The following FAF1 variants were observed in gnomAD, a reference collection of about 807,000 sequenced individuals.
FAF1 encodes the protein FAS-associated factor 1.
FAF1 carries 25 observed loss-of-function variants against 92.5 expected under a neutral mutation model. The ratio of observed to expected loss-of-function variants is 0.27; its 90% CI spans 0.20 to 0.38. FAF1 has a LOEUF of 0.38. Ranked by LOEUF, FAF1 falls within the 10% of genes least tolerant of loss-of-function variation. The pLI is 1.00. For synonymous variants in FAF1, 234 were observed against 273.2 expected, an observed-to-expected ratio of 0.86 and a Z score of 1.42; for missense variants, 636 against 793.3, an observed-to-expected ratio of 0.80 and a Z score of 2.38.
intron 8 of FAF1, among the ~76,000 whole-genome samples, chr1:50,598,279 G>T (rs1020362797): frequency 6.6e-6 from 1 of 151,716 alleles, no homozygotes; most frequent in African/African-American, 2.4e-5. Flanking sequence ...TTGGGTGACA[G>T]AGTGAGACCC....
At chr1:50,599,339 T>C (rs1167477082) in intron 8 of FAF1, among the ~76,000 whole-genome samples, 1 of 152,130 alleles carries the variant, frequency 6.6e-6, no homozygotes, top group African/African-American at 2.4e-5. Context: ...CTTGAACTCC[T>C]GACCTCAGGT....
Position 50,499,368 on chromosome 1 carries a change from T to G in FAF1, c.1495-7567A>C, listed in dbSNP as rs1646950984. 4.0e-5 allele frequency among the ~76,000 whole-genome samples: 6 copies of G among 151,830 alleles called. No homozygotes were observed. The South Asian group carries it at 1.2e-3, about 32-fold the overall frequency. On this transcript the variant is annotated intron_variant, in intron 15 of 18. Transcript: ENST00000396153. ...GGTAAGATGTTAGCTGTAGGGTTTT[T>G]TTTTTTTTTTTTTTTAAATAGATGC... is the stretch of plus-strand genomic sequence containing the variant.
intron 3 of FAF1, among the ~76,000 whole-genome samples, chr1:50,794,145 C>G (rs1569958489): frequency 6.6e-6 from 1 of 152,326 alleles, no homozygotes; most frequent in East Asian, 1.9e-4. Flanking sequence ...ACACACACCA[C>G]AAAAATACAA....
intron 15 of FAF1, among the ~76,000 whole-genome samples, chr1:50,531,237 C>T (rs949673807): frequency 7.9e-5 from 12 of 152,070 alleles, no homozygotes; most frequent in Non-Finnish European, 1.3e-4. Context: ...TGATAATTAC[C>T]GAGCTATTGT....
Position 50,953,043 on chromosome 1 carries a change from TA to T in FAF1, c.45+6723del, listed in dbSNP as rs1645232830. Among the ~76,000 whole-genome samples, 3 of 152,380 alleles carry T rather than the reference TA, an allele frequency of 2.0e-5. No homozygotes were observed. In the South Asian group the frequency reaches 6.2e-4, roughly 32 times the overall value. On this transcript the variant is annotated intron_variant, in intron 1 of 18. Transcript: ENST00000396153. ...ACATAGGAGACTCCATTTTGTTCTG[TA>T]CTAAGAAAAATTCTTCTGCCTTGGG...
intron 17 of FAF1, among the ~76,000 whole-genome samples, chr1:50,480,520 A>G (rs1311460465): frequency 6.6e-6 from 1 of 152,192 alleles, no homozygotes; most frequent in African/African-American, 2.4e-5. Context: ...TGAGTCAGGC[A>G]TTGTTCTAAA....
At chr1:50,733,761 G>T (rs933836027) in intron 6 of FAF1, among the ~76,000 whole-genome samples, 1 of 152,156 alleles carries the variant, frequency 6.6e-6, no homozygotes, top group Non-Finnish European at 1.5e-5. Context: ...AATGCCTATT[G>T]TTTAAGCTAC....
chr1:50,481,741 TC>T (rs1036271344), intron 17 of FAF1, among the ~76,000 whole-genome samples: 1 of 151,928 alleles, frequency 6.6e-6, no homozygotes, highest in Non-Finnish European at 1.5e-5. Flanking sequence ...ACTGTAAACC[TC>T]AGTAAGCAAA....
chr1:50,930,670 C>T (rs1374455100), intron 1 of FAF1, among the ~76,000 whole-genome samples: 3 of 152,124 alleles, frequency 2.0e-5, no homozygotes, highest in Admixed American at 2.0e-4. Flanking sequence ...CCCGTCTCTA[C>T]TAAAAATACA....
chr1:50,918,214 T>G (rs1644935651), intron 1 of FAF1, among the ~76,000 whole-genome samples: 1 of 147,042 alleles, frequency 6.8e-6, no homozygotes, highest in Non-Finnish European at 1.5e-5. Context: ...AATTATACTC[T>G]AAGTTTTAGG....
intron 1 of FAF1, among the ~76,000 whole-genome samples, chr1:50,915,805 T>C (rs558829028): frequency 1.3e-5 from 2 of 152,144 alleles, no homozygotes; most frequent in Admixed American, 6.5e-5. Context: ...GAGTGAACTG[T>C]TGGACTGAAA....
intron 9 of FAF1, among the ~76,000 whole-genome samples, chr1:50,590,546 G>T (rs1358983861): frequency 6.6e-6 from 1 of 152,198 alleles, no homozygotes; most frequent in East Asian, 1.9e-4. Context: ...TTTTAAAAAT[G>T]TAATCTTTGG....
intron 15 of FAF1, among the ~76,000 whole-genome samples, chr1:50,518,630 C>T (rs1194778264): frequency 6.6e-6 from 1 of 151,908 alleles, no homozygotes; most frequent in Non-Finnish European, 1.5e-5. Flanking sequence ...TTAGTAGAGA[C>T]GGAGTTTCAC....
At chr1:50,552,133 A>G (rs1649336274) in intron 13 of FAF1, among the ~76,000 whole-genome samples, 1 of 152,074 alleles carries the variant, frequency 6.6e-6, no homozygotes, top group African/African-American at 2.4e-5. Context: ...TGTCTCTACT[A>G]AAAATACAAA....
intron 17 of FAF1, among the ~76,000 whole-genome samples, chr1:50,477,033 ATC>A (rs1646647405): frequency 6.6e-6 from 1 of 152,360 alleles, no homozygotes; most frequent in African/African-American, 2.4e-5. Context: ...TATGCAAATT[ATC>A]TGTTAAAAAA....
chr1:50,450,811 TTAA>T (rs1646285473), intron 18 of FAF1, among the ~76,000 whole-genome samples: 1 of 152,228 alleles, frequency 6.6e-6, no homozygotes, highest in Non-Finnish European at 1.5e-5. Flanking sequence ...ATTACAATTA[TTAA>T]TAATAATTAT....
At chr1:50,481,944 G>A (rs1646708901) in intron 17 of FAF1, among the ~76,000 whole-genome samples, 1 of 151,904 alleles carries the variant, frequency 6.6e-6, no homozygotes, top group Non-Finnish European at 1.5e-5. Context: ...ACAAAGGAGA[G>A]GGGTGATTAG....
At chr1:50,706,133 CTT>C (rs1439839547) in intron 6 of FAF1, 26 of 391,358 alleles carry the variant, frequency 6.6e-5, no homozygotes, top group Non-Finnish European at 1.2e-4. Flanking sequence ...GCTTTGTATA[CTT>C]AAGAATTTTC....
intron 15 of FAF1, among the ~76,000 whole-genome samples, chr1:50,530,394 T>G (rs951983351): frequency 3.3e-5 from 5 of 151,860 alleles, no homozygotes; most frequent in African/African-American, 1.2e-4. Flanking sequence ...ACCAAGAGAT[T>G]GTTTTTGTTC....
Sources: allele counts gnomAD v4.1 joint callset (sites outside exome capture counted in the v4.1 genomes callset), GRCh38; gene constraint gnomAD v4.1.1; transcripts MANE v1.5; gene names NCBI Gene and HGNC (gene_info 2026-07-23, HGNC 2026-07-21).